The following LIMS1 variants were observed in gnomAD, a reference collection of about 807,000 sequenced individuals.
The protein encoded by LIMS1 is LIM zinc finger domain containing 1.
In LIMS1, 18 loss-of-function variants were observed where a neutral mutation model predicts 44.1. The ratio of observed to expected loss-of-function variants is 0.41; its 90% CI spans 0.28 to 0.61. The LOEUF (loss-of-function observed/expected upper bound fraction) is 0.61, where lower values mean the gene tolerates loss of function less well. Ranked by LOEUF, LIMS1 falls within the 20% of genes least tolerant of loss-of-function variation. The pLI, the probability that LIMS1 is intolerant of heterozygous loss-of-function variation, is 0.32. For synonymous variants in LIMS1, 93 were observed against 149.1 expected (o/e 0.62, Z 2.74); for missense variants, 201 against 422.0 (o/e 0.48, Z 4.59).
chr2:108,677,328 T>G (rs939069656), intron 7 of LIMS1: 1 of 152,688 alleles, frequency 6.5e-6, no homozygotes, highest in Non-Finnish European at 1.5e-5. Context: ...TGCTTCTCTG[T>G]GCTTAGATGA....
intron 1 of LIMS1, among the ~76,000 whole-genome samples, chr2:108,649,047 A>G (rs750981023): frequency 6.6e-6 from 1 of 152,216 alleles, no homozygotes; most frequent in Non-Finnish European, 1.5e-5. Flanking sequence ...TGAACAGACA[A>G]CCTACAGAAT....
intron 1 of LIMS1, among the ~76,000 whole-genome samples, chr2:108,601,255 A>G (rs1344885362): frequency 3.3e-5 from 5 of 152,162 alleles, no homozygotes; most frequent in Admixed American, 1.3e-4. Context: ...AGATATATAT[A>G]TATATTTTCT....
intron 9 of LIMS1, chr2:108,681,439 A>G (rs958116676): frequency 4.1e-6 from 4 of 974,038 alleles, no homozygotes; most frequent in African/African-American, 1.8e-5. Context: ...TTTTTTTTTA[A>G]TGGATTTAAA....
chr2:108,594,177 G>C (rs1176025561), intron 1 of LIMS1, among the ~76,000 whole-genome samples: 1 of 152,178 alleles, frequency 6.6e-6, no homozygotes, highest in Non-Finnish European at 1.5e-5. Flanking sequence ...AAAAAATTCA[G>C]CTGTGGGGAA....
At chr2:108,656,619 C>G (rs1220946962) in intron 1 of LIMS1, among the ~76,000 whole-genome samples, 1 of 150,538 alleles carries the variant, frequency 6.6e-6, no homozygotes, top group Non-Finnish European at 1.5e-5. Flanking sequence ...GTTCTGTTTC[C>G]TTTTTCCCCC....
At chr2:108,559,491 C>T (rs1685040620) in intron 1 of LIMS1, among the ~76,000 whole-genome samples, 1 of 152,140 alleles carries the variant, frequency 6.6e-6, no homozygotes, top group African/African-American at 2.4e-5. Flanking sequence ...AATCAACTCT[C>T]TTAATTTTTA....
At chr2:108,686,963 A>G (rs1428104155) in exon 10 of LIMS1, 1 of 152,198 alleles carries the variant, frequency 6.6e-6, no homozygotes, top group African/African-American at 2.4e-5. Flanking sequence ...TTTCTTAGCA[A>G]GTGTAACATA....
At chr2:108,595,850 A>G (rs1686656144) in intron 1 of LIMS1, among the ~76,000 whole-genome samples, 1 of 152,204 alleles carries the variant, frequency 6.6e-6, no homozygotes, top group South Asian at 2.1e-4. Context: ...CTACCACCTT[A>G]ATCATTTTTA....
intron 1 of LIMS1, among the ~76,000 whole-genome samples, chr2:108,638,473 G>A (rs1689429229): frequency 6.6e-6 from 1 of 152,188 alleles, no homozygotes; most frequent in Non-Finnish European, 1.5e-5. Context: ...GCTGGGCGTG[G>A]TGGTTCACGC....
At position 108,579,066 on chromosome 2, in the gene LIMS1, A is replaced by G. The variant is rs535679997; in HGVS notation, c.32+44472A>G. Among the ~76,000 whole-genome samples the G allele has an allele frequency of 2.6e-5, 4 of 152,270 alleles. No homozygotes were observed. The East Asian group carries it at 7.7e-4, about 29-fold the overall frequency. On this transcript the variant is annotated intron_variant, in intron 1 of 9. Transcript: ENST00000544547. ...TTCATGGGATTTTGTAGGCAGTTTC[A>G]TGCCAAAGTGTTGTGTTTTCCAAAG...
chr2:108,626,543 A>G (rs536725096), intron 1 of LIMS1, among the ~76,000 whole-genome samples: 1 of 152,064 alleles, frequency 6.6e-6, no homozygotes, highest in African/African-American at 2.4e-5. Context: ...TCCCACCCCC[A>G]TATAATAGAG....
chr2:108,598,940 C>A (rs1462997758), intron 1 of LIMS1, among the ~76,000 whole-genome samples: 4 of 152,098 alleles, frequency 2.6e-5, no homozygotes, highest in Non-Finnish European at 5.9e-5. Context: ...AAACTTCAGT[C>A]TGTGGGCCAA....
At chr2:108,676,572 A>G (rs765896984) in intron 6 of LIMS1, 34 bp from the exon 7 acceptor site, 26 of 1,541,150 alleles carry the variant, frequency 1.7e-5, no homozygotes, top group Non-Finnish European at 2.2e-5. Flanking sequence ...AAAATATGGC[A>G]ATTCAAAAAT....
chr2:108,668,253 T>C (rs1691927258), intron 2 of LIMS1, among the ~76,000 whole-genome samples: 1 of 152,348 alleles, frequency 6.6e-6, no homozygotes, highest in East Asian at 1.9e-4. Context: ...TATTTTGAAA[T>C]ATTTTGAAAT....
intron 1 of LIMS1, among the ~76,000 whole-genome samples, chr2:108,635,408 G>T (rs1194602923): frequency 1.7e-5 from 2 of 118,926 alleles, no homozygotes; most frequent in African/African-American, 3.3e-5. Context: ...AGCCTGGGGG[G>T]AAAGAGCAAG....
intron 5 of LIMS1, among the ~76,000 whole-genome samples, chr2:108,675,391 G>A (rs1326648443): frequency 6.6e-6 from 1 of 152,114 alleles, no homozygotes; most frequent in Non-Finnish European, 1.5e-5. Context: ...CACCCCCTCA[G>A]TAACAGCGTT....
intron 1 of LIMS1, among the ~76,000 whole-genome samples, chr2:108,641,701 TCTTG>T (rs1169854634): frequency 6.6e-6 from 1 of 152,352 alleles, no homozygotes; most frequent in Non-Finnish European, 1.5e-5. Flanking sequence ...TTTATCACTG[TCTTG>T]CTTCTGTGGT....
At position 108,612,840 on chromosome 2, in the gene LIMS1, G is replaced by A. The variant is rs528508348; in HGVS notation, c.33-46765G>A. Among the ~76,000 whole-genome samples, 17 of 152,264 alleles carry A rather than the reference G, an allele frequency of 1.1e-4. No individual in the cohort carries two copies. The South Asian group carries it at 1.2e-3, about 11-fold the overall frequency. Reference sequence around the variant, plus strand: ...GTTTACACTCCGGGGCTTGCGCTGCGGCTCCTGCGCCTGTCATGCACCCAG... The same window carrying A: ...GTTTACACTCCGGGGCTTGCGCTGCAGCTCCTGCGCCTGTCATGCACCCAG... On this transcript the variant is annotated intron_variant, in intron 1 of 9. Coordinates refer to ENST00000544547, the Ensembl canonical transcript of LIMS1.
At chr2:108,647,963 A>C (rs1690188692) in intron 1 of LIMS1, among the ~76,000 whole-genome samples, 1 of 152,218 alleles carries the variant, frequency 6.6e-6, no homozygotes, top group Non-Finnish European at 1.5e-5. Context: ...AGTTCTGGCC[A>C]GGGCAATCAG....
Sources: gnomAD v4.1 joint callset for allele counts (sites outside exome capture counted in the v4.1 genomes callset) on GRCh38, gnomAD v4.1.1 for gene constraint, MANE v1.5 for transcripts, NCBI Gene and HGNC (gene_info 2026-07-23, HGNC 2026-07-21) for gene names.